The following FMN2 variants were observed in gnomAD, a reference collection of about 807,000 sequenced individuals.
FMN2 encodes formin 2, also known as formin-2.
In FMN2, 51 loss-of-function variants were observed where a neutral mutation model predicts 142.3. That is an observed-to-expected ratio of 0.36 (90% CI 0.29 to 0.45). The LOEUF (loss-of-function observed/expected upper bound fraction) is 0.45, where lower values mean the gene tolerates loss of function less well. Among genes scored for constraint, FMN2 ranks in the 20% least tolerant of loss-of-function variants. FMN2 has a pLI of 1.00. For synonymous variants in FMN2, 882 were observed against 869.8 expected (o/e 1.01, Z -0.25); for missense variants, 1,936 against 2,122.8 (o/e 0.91, Z 1.73).
chr1:240,294,484 C>T (rs1669900069), intron 7 of FMN2, among the ~76,000 whole-genome samples: 1 of 152,202 alleles, frequency 6.6e-6, no homozygotes, highest in South Asian at 2.1e-4. Context: ...TGGGATGTAG[C>T]ATTCACTGGA....
intron 14 of FMN2, among the ~76,000 whole-genome samples, chr1:240,387,160 T>G (rs1673432384): frequency 6.6e-6 from 1 of 152,222 alleles, no homozygotes; most frequent in Admixed American, 6.5e-5. Flanking sequence ...CCTTTTTTCT[T>G]AAACTACATC....
chr1:240,111,678 A>G (rs1324358591), intron 1 of FMN2, among the ~76,000 whole-genome samples: 11 of 152,034 alleles, frequency 7.2e-5, no homozygotes, highest in Non-Finnish European at 1.5e-5. Flanking sequence ...TATGACCTGT[A>G]TCTTGTGCTG....
At chr1:240,455,188 G>C (rs1287329367) in intron 16 of FMN2, among the ~76,000 whole-genome samples, 1 of 36,666 alleles carries the variant, frequency 2.7e-5, no homozygotes, top group African/African-American at 9.9e-5. Context: ...AAGTAAAGAG[G>C]AAATGTGTTG....
intron 2 of FMN2, among the ~76,000 whole-genome samples, chr1:240,128,579 TGTG>T (rs1303218965): frequency 6.6e-6 from 1 of 152,214 alleles, no homozygotes; most frequent in Non-Finnish European, 1.5e-5. Flanking sequence ...TTGCTAAACA[TGTG>T]GTGATCCCTT....
chr1:240,355,735 C>A, intron 13 of FMN2, 81 bp from the exon 14 acceptor site: 1 of 918,820 alleles, frequency 1.1e-6, no homozygotes, highest in Non-Finnish European at 1.7e-6. Context: ...AATTTTCTAA[C>A]ATTAGCTAAG....
intron 6 of FMN2, among the ~76,000 whole-genome samples, chr1:240,216,396 A>G (rs938446000): frequency 2.0e-5 from 3 of 152,242 alleles, no homozygotes; most frequent in African/African-American, 4.8e-5. Flanking sequence ...TAAAAAGTAC[A>G]TAACTTGACA....
intron 6 of FMN2, among the ~76,000 whole-genome samples, chr1:240,216,982 C>T (rs747456925): frequency 1.3e-5 from 2 of 151,904 alleles, no homozygotes; most frequent in African/African-American, 2.4e-5. Flanking sequence ...TGTGTAATAA[C>T]GACAGGAAAA....
Position 240,093,372 on chromosome 1 carries a change from C to T in FMN2, c.1263C>T (p.Thr421=), listed in dbSNP as rs374512507. The change falls in exon 1 of 18, where the codon ACC becomes ACT. Residue 421 remains threonine (T), a synonymous_variant. Transcript: ENST00000319653. ...TCATCACCCCCTGCTACATCAAGAC[C>T]ACCACCCGGCAGCTCAGCTCGCCCA... is the stretch of plus-strand genomic sequence containing the variant. ...YPLITPCYIK[T]TTRQLSSPNH... The T allele has an allele frequency of 6.2e-7, 1 of 1,613,256 alleles. No homozygotes were observed. Among genetic ancestry groups the T allele is most frequent in the Non-Finnish European group, 8.5e-7 (1 of 1,179,626 alleles).
chr1:240,187,391 A>G (rs1378102324), intron 3 of FMN2, among the ~76,000 whole-genome samples: 1 of 152,020 alleles, frequency 6.6e-6, no homozygotes, highest in Non-Finnish European at 1.5e-5. Flanking sequence ...GTCAGGAGAT[A>G]TAAACTCTCG....
intron 8 of FMN2, among the ~76,000 whole-genome samples, chr1:240,321,758 A>G (rs1670980019): frequency 6.6e-6 from 1 of 152,230 alleles, no homozygotes; most frequent in Admixed American, 6.5e-5. Context: ...TTCCAGCTAT[A>G]AGCCAGACAA....
chr1:240,240,414 C>T (rs1363699152), intron 6 of FMN2, among the ~76,000 whole-genome samples: 1 of 152,192 alleles, frequency 6.6e-6, no homozygotes, highest in Non-Finnish European at 1.5e-5. Flanking sequence ...CTTGCTACAA[C>T]ATAATAATAA....
intron 16 of FMN2, among the ~76,000 whole-genome samples, chr1:240,461,162 TA>T (rs1328441083): frequency 6.6e-6 from 1 of 152,108 alleles, no homozygotes; most frequent in African/African-American, 2.4e-5. Context: ...TGAGAGAAAA[TA>T]GTGCAATGAT....
At chr1:240,129,771 G>T (rs1662660411) in intron 2 of FMN2, among the ~76,000 whole-genome samples, 1 of 151,980 alleles carries the variant, frequency 6.6e-6, no homozygotes. Flanking sequence ...CAAAGTGCTG[G>T]AATTACAGGC....
chr1:240,157,768 A>G (rs939427006), intron 2 of FMN2, among the ~76,000 whole-genome samples: 3 of 152,242 alleles, frequency 2.0e-5, no homozygotes, highest in South Asian at 4.1e-4. Context: ...GAGATTAACT[A>G]TTCAAGACTG....
chr1:240,452,586 T>A (rs2103212009), intron 16 of FMN2, among the ~76,000 whole-genome samples: 1 of 152,316 alleles, frequency 6.6e-6, no homozygotes, highest in East Asian at 1.9e-4. Context: ...AGGTAAATAT[T>A]TTTGGAAAGT....
intron 16 of FMN2, among the ~76,000 whole-genome samples, chr1:240,467,155 A>AGG (rs1638428202): frequency 6.6e-6 from 1 of 152,204 alleles, no homozygotes. Context: ...GGGACTGGGC[A>AGG]GACTGCCTTA....
At chr1:240,332,346 G>A (rs1383519605) in intron 11 of FMN2, among the ~76,000 whole-genome samples, 1 of 147,648 alleles carries the variant, frequency 6.8e-6, no homozygotes, top group Non-Finnish European at 1.5e-5. Flanking sequence ...GCCAACCTGG[G>A]CAATACAGTG....
intron 8 of FMN2, among the ~76,000 whole-genome samples, chr1:240,326,760 G>A (rs919020611): frequency 2.6e-5 from 4 of 151,830 alleles, no homozygotes; most frequent in African/African-American, 7.3e-5. Context: ...GGTTAGGCTC[G>A]GAGATAGTTG....
At chr1:240,327,714 C>A (rs528552290) in intron 8 of FMN2, among the ~76,000 whole-genome samples, 1 of 152,148 alleles carries the variant, frequency 6.6e-6, no homozygotes, top group South Asian at 2.1e-4. Flanking sequence ...AAATCTCCTA[C>A]CCTATATTAA....
Sources: allele counts gnomAD v4.1 joint callset (sites outside exome capture counted in the v4.1 genomes callset), GRCh38; gene constraint gnomAD v4.1.1; transcripts MANE v1.5; gene names NCBI Gene and HGNC (gene_info 2026-07-23, HGNC 2026-07-21).